The following LFNG variants were observed in gnomAD, a reference collection of about 807,000 sequenced individuals.
The protein encoded by LFNG is LFNG O-fucosylpeptide 3-beta-N-acetylglucosaminyltransferase, also known as beta-1,3-N-acetylglucosaminyltransferase lunatic fringe.
Under a neutral mutation model 32.7 loss-of-function variants are expected in LFNG, and 15 were observed. That is an observed-to-expected ratio of 0.46 (90% CI 0.31 to 0.71). The LOEUF is 0.71. LFNG is among the 30% of genes least tolerant of loss of function. The probability of loss-of-function intolerance (pLI) is 0.06; values close to 1 mark genes in which losing one functional copy is unlikely to be tolerated. For missense variants in LFNG, 520 were observed against 545.7 expected (o/e 0.95, Z 0.47); for synonymous variants, 274 against 246.8 (o/e 1.11, Z -1.03).
In LFNG at chr7:2,527,956, A is replaced by G; in HGVS notation, c.*744A>G. ...ATTTAATCTCCTCTCCAAAGTAGAG[A>G]GCAAGTCGCCCACAGTGGGCGTGTC... On this transcript the variant is annotated 3_prime_UTR_variant, in exon 8 of 8. Coordinates refer to ENST00000222725, the MANE Select transcript of LFNG (RefSeq NM_001040167.2). The surrounding 1 kb of genome is among the most constrained non-coding windows in gnomAD (Gnocchi z 4.4). 6.1e-6 allele frequency: 6 copies of G among 985,386 alleles called. No homozygotes were observed. Among genetic ancestry groups the G allele is most frequent in the Non-Finnish European group, 6.0e-6 (5 of 829,972 alleles). 61.0% of individuals were successfully genotyped at this position (985,386 alleles called of 1,614,324 possible). A position where few individuals can be genotyped will look rare whatever the true frequency, so the allele number is the denominator to read the frequency against.
At chr7:2,518,144 T>TG (rs1779675159), upstream of LFNG, among the ~76,000 whole-genome samples, 1 of 152,146 alleles carries the variant, frequency 6.6e-6, no homozygotes, top group Non-Finnish European at 1.5e-5. Flanking sequence ...GCTGACTTTG[T>TG]GGGGGCAGCC....
intron 1 of LFNG, chr7:2,512,756 G>T (rs1583266528): frequency 6.4e-7 from 1 of 1,556,356 alleles, no homozygotes; most frequent in Admixed American, 1.7e-5. Flanking sequence ...CGTCCCTCTT[G>T]CTCGTGAACC....
upstream of LFNG, chr7:2,518,418 G>C (rs2128374368): frequency 1.4e-6 from 1 of 709,884 alleles, no homozygotes; most frequent in Non-Finnish European, 2.6e-6. Context: ...GCTAGGGGTG[G>C]GGCCCCTGGG....
At chr7:2,519,386 C>A (rs1165217297), upstream of LFNG, among the ~76,000 whole-genome samples, 1 of 152,184 alleles carries the variant, frequency 6.6e-6, no homozygotes, top group African/African-American at 2.4e-5. Flanking sequence ...GCGTCGGAGC[C>A]CAGAGCCCGG....
At chr7:2,518,769 C>T (rs1400552062), upstream of LFNG, among the ~76,000 whole-genome samples, 1 of 152,162 alleles carries the variant, frequency 6.6e-6, no homozygotes, top group African/African-American at 2.4e-5. Context: ...GGCAGAGCCG[C>T]CTCCGTCCAC....
upstream of LFNG, chr7:2,518,500 C>G: frequency 1.1e-6 from 1 of 898,600 alleles, no homozygotes; most frequent in South Asian, 1.3e-5. Context: ...AGACATTTAT[C>G]CAGTGAATTT....
At position 2,512,783 on chromosome 7, in the gene LFNG, T is replaced by C. The variant is rs1467644113; in HGVS notation, c.47+82T>C. ...TCGTGAACCTGGAGCCCCCTATGTC[T>C]CCCCCAGTACCCCTGCATTCTACAC... On this transcript the variant is annotated intron_variant, in intron 1 of 8. Coordinates refer to the LFNG transcript ENST00000402506. The C allele has an allele frequency of 2.4e-6, 3 of 1,249,574 alleles. No homozygotes were observed. The African/African-American group carries it at 4.4e-5, about 19-fold the overall frequency. The allele number at this position is 1,249,574 out of a possible 1,614,324, so 77.4% of individuals were successfully genotyped here. A position where few individuals can be genotyped will look rare whatever the true frequency, so the allele number is the denominator to read the frequency against.
At chr7:2,522,574 C>T (rs1779824277) in intron 1 of LFNG, among the ~76,000 whole-genome samples, 1 of 152,058 alleles carries the variant, frequency 6.6e-6, no homozygotes, top group South Asian at 2.1e-4. Context: ...TGTCCCCCGG[C>T]CCCCGCCCCC....
At chr7:2,524,446 T>C (rs1026594984) in intron 1 of LFNG, among the ~76,000 whole-genome samples, 1 of 152,172 alleles carries the variant, frequency 6.6e-6, no homozygotes, top group South Asian at 2.1e-4. Context: ...CTGTCGAGGT[T>C]GGGGAGTGAG....
At chr7:2,523,005 G>A (rs967547458) in intron 1 of LFNG, among the ~76,000 whole-genome samples, 4 of 152,166 alleles carry the variant, frequency 2.6e-5, no homozygotes, top group Non-Finnish European at 5.9e-5. Flanking sequence ...CCATAGCCCC[G>A]CCTTCTCAGA....
upstream of LFNG, among the ~76,000 whole-genome samples, chr7:2,513,563 C>T (rs1489922605): frequency 6.6e-6 from 1 of 152,212 alleles, no homozygotes; most frequent in Non-Finnish European, 1.5e-5. Flanking sequence ...TGGAGCCCCT[C>T]CTCCCACTGC....
Position 2,528,389 on chromosome 7 carries a change from T to C in LFNG, c.*1177T>C. ...GGGAATTGAAGTGTTGTTGCTATGGTGACGTCCTTTTGCTGTGAATAAAGG... is the reference window on the plus strand; with the variant it reads ...GGGAATTGAAGTGTTGTTGCTATGGCGACGTCCTTTTGCTGTGAATAAAGG... On this transcript the variant is annotated 3_prime_UTR_variant, in exon 8 of 8. Transcript: ENST00000222725. The C allele has an allele frequency of 1.0e-6, 1 of 986,902 alleles. No individual in the cohort carries two copies. The highest frequency in any genetic ancestry group is 1.2e-6 in the Non-Finnish European group (1 of 830,444). The allele number at this position is 986,902 out of a possible 1,614,324, so 61.1% of individuals were successfully genotyped here. A position where few individuals can be genotyped will look rare whatever the true frequency, so the allele number is the denominator to read the frequency against.
In LFNG at chr7:2,526,957, G is replaced by T; in HGVS notation, c.1073+36G>T. The T allele has an allele frequency of 6.3e-7, 1 of 1,596,948 alleles. No homozygotes were observed. The highest frequency in any genetic ancestry group is 8.6e-7 in the Non-Finnish European group (1 of 1,167,088). Reference sequence around the variant, plus strand: ...CCCGGCCCAGATGGGCTTGCGTAGGGTGGCCTAGGGGCGTCAGGGGGCCTC... The same window carrying T: ...CCCGGCCCAGATGGGCTTGCGTAGGTTGGCCTAGGGGCGTCAGGGGGCCTC... On this transcript the variant is annotated intron_variant, in intron 7 of 7. Transcript: ENST00000222725. This position sits in a 1 kb window ranked among gnomAD's most constrained non-coding sequence, Gnocchi z 6.9.
chr7:2,523,209 G>A (rs1051537670), intron 1 of LFNG, among the ~76,000 whole-genome samples: 1 of 152,210 alleles, frequency 6.6e-6, no homozygotes, highest in African/African-American at 2.4e-5. Flanking sequence ...CGCCTCCCAC[G>A]GCATTCCTGG....
rs188015513 is a variant in LFNG, at chr7:2,526,706, G to A, written c.988-130G>A. On this transcript the variant is annotated intron_variant, in intron 6 of 7. Transcript: ENST00000222725. The surrounding 1 kb of genome is among the most constrained non-coding windows in gnomAD (Gnocchi z 6.9). Reference sequence around the variant, plus strand: ...GGACCTTATTCCTGGGGTGTGCAGGGCAGGTGTCCTTCCAGGTCCAAGGGA... The same window carrying A: ...GGACCTTATTCCTGGGGTGTGCAGGACAGGTGTCCTTCCAGGTCCAAGGGA... 1.1e-4 allele frequency: 93 copies of A among 857,194 alleles called. No homozygotes were observed. Among genetic ancestry groups the A allele is most frequent in the African/African-American group, 9.0e-4 (54 of 59,746 alleles). The allele number at this position is 857,194 out of a possible 1,614,324, so 53.1% of individuals were successfully genotyped here.
intron 1 of LFNG, among the ~76,000 whole-genome samples, chr7:2,524,248 G>A (rs1374091224): frequency 6.6e-6 from 1 of 152,172 alleles, no homozygotes; most frequent in Non-Finnish European, 1.5e-5. Context: ...TCCTCCGCCT[G>A]TCCCTCCCGC....
upstream of LFNG, among the ~76,000 whole-genome samples, chr7:2,514,816 G>GTCCATCCATCCATCCATCCATCTATCCA (rs1779575525): frequency 1.8e-5 from 2 of 111,306 alleles, no homozygotes; most frequent in Non-Finnish European, 4.0e-5. Flanking sequence ...CGGTCTGTCT[G>GTCCATCCATCCATCCATCCATCTATCCA]TCCATCCATC....
upstream of LFNG, chr7:2,518,609 G>A (rs368989113): frequency 1.9e-6 from 3 of 1,610,994 alleles, no homozygotes; most frequent in Non-Finnish European, 2.5e-6. Context: ...GTAAGGAGAG[G>A]GGCTCCAAGG....
rs182423865 is a variant in LFNG, at chr7:2,527,650, T to C, written c.*438T>C. ...CTGTGCCCTGAAGTCCTGGCCCCTG[T>C]GTCATAGCCCCAAGTACGACTCACT... On this transcript the variant is annotated 3_prime_UTR_variant, in exon 8 of 8. Transcript: ENST00000222725. This position sits in a 1 kb window ranked among gnomAD's most constrained non-coding sequence, Gnocchi z 4.4. 1.1e-4 allele frequency: 124 copies of C among 1,145,580 alleles called. 1 individual carries two copies. The Middle Eastern group carries it at 2.4e-3, about 22-fold the overall frequency. 71.0% of individuals were successfully genotyped at this position (1,145,580 alleles called of 1,614,324 possible). A position where few individuals can be genotyped will look rare whatever the true frequency, so the allele number is the denominator to read the frequency against.
Sources: allele counts gnomAD v4.1 joint callset (sites outside exome capture counted in the v4.1 genomes callset), GRCh38; gene constraint gnomAD v4.1.1; non-coding constraint Gnocchi (gnomAD v3.1); transcripts MANE v1.5; gene names NCBI Gene and HGNC (gene_info 2026-07-23, HGNC 2026-07-21).